ARHGAP29: variants seen among roughly 807,000 people sequenced by gnomAD.
ARHGAP29 encodes the protein rho GTPase-activating protein 29.
ARHGAP29 carries 43 observed loss-of-function variants against 122.6 expected under a neutral mutation model. That is an observed-to-expected ratio of 0.35 (90% CI 0.27 to 0.45). ARHGAP29 has a LOEUF of 0.45. Ranked by LOEUF, ARHGAP29 falls within the 20% of genes least tolerant of loss-of-function variation. The probability of loss-of-function intolerance (pLI) is 1.00; values close to 1 mark genes in which losing one functional copy is unlikely to be tolerated. For missense variants in ARHGAP29, 1,303 were observed against 1,477.2 expected (o/e 0.88, Z 1.93); for synonymous variants, 506 against 497.1 (o/e 1.02, Z -0.24).
the ARHGAP29 span, among the ~76,000 whole-genome samples, chr1:94,306,677 A>G: frequency 6.2e-4 from 95 of 152,284 alleles, no homozygotes; most frequent in Admixed American, 7.2e-4. Flanking sequence ...ATTTTCCCAC[A>G]CTCTAACAAA....
chr1:94,286,817 G>GAATGTGACTGGGAAAGTT, the ARHGAP29 span, among the ~76,000 whole-genome samples: 1 of 152,180 alleles, frequency 6.6e-6, no homozygotes, highest in Admixed American at 6.5e-5. Context: ...AGAAAGTTGG[G>GAATGTGACTGGGAAAGTT]TACCAGTGAC....
chr1:94,247,734 C>A (rs1653874615), intron 1 of ARHGAP29: 1 of 732,688 alleles, frequency 1.4e-6, no homozygotes, highest in African/African-American at 2.0e-5. Flanking sequence ...CAGCGGCCGC[C>A]GCCTTTGCAG....
At chr1:94,216,527 CAAAGAA>C (rs1473738809) in intron 3 of ARHGAP29, among the ~76,000 whole-genome samples, 1 of 152,154 alleles carries the variant, frequency 6.6e-6, no homozygotes. Flanking sequence ...TCAAAAGCAA[CAAAGAA>C]ACTTCATCAT....
chr1:94,177,646 T>G lies in ARHGAP29; in HGVS notation c.2871A>C (p.Gln957His). The G allele has an allele frequency of 6.2e-7, 1 of 1,613,532 alleles. No individual in the cohort carries two copies. The highest frequency in any genetic ancestry group is 8.5e-7 in the Non-Finnish European group (1 of 1,179,796). ...ATGCATCACATTTTCCTAACGCATTTTGCTTGCGTTCTGATTCCTCAAATG... is the reference window on the plus strand; with the variant it reads ...ATGCATCACATTTTCCTAACGCATTGTGCTTGCGTTCTGATTCCTCAAATG... ...ATSFEESERKQNALGKCDACL... is the reference protein window; with the variant it reads ...ATSFEESERKHNALGKCDACL... The change falls in exon 22 of 23, where the codon CAA (glutamine) becomes CAC (histidine). Residue 957 changes from glutamine to histidine, a missense_variant. Transcript: ENST00000260526.
intron 12 of ARHGAP29, chr1:94,194,332 T>C (rs1401747610): frequency 1.3e-5 from 2 of 152,202 alleles, no homozygotes. Flanking sequence ...AGATAATTTT[T>C]TTTTTACCAG....
rs149747337 is a variant in ARHGAP29 at position 94,200,587 on chromosome 1, A to G, written c.1281+1133T>C. Among the ~76,000 whole-genome samples, 80 of 152,380 alleles carry G rather than the reference A, an allele frequency of 5.3e-4. 2 individuals are homozygous for G. In the East Asian group the frequency reaches 0.014, roughly 28 times the overall value. The stretch of plus-strand genomic sequence containing the variant: ...GAAAACTTATGTTCAACAAGAATGT[A>G]TAAGAAAATATTCTGCGGCTCTATT... On this transcript the variant is annotated intron_variant, in intron 12 of 22. Transcript: ENST00000260526.
intron 1 of ARHGAP29, among the ~76,000 whole-genome samples, chr1:94,264,314 A>C: frequency 6.6e-6 from 1 of 151,962 alleles, no homozygotes; most frequent in East Asian, 1.9e-4. Flanking sequence ...TTCTCATCTC[A>C]TCTCCATTGT....
upstream of ARHGAP29, among the ~76,000 whole-genome samples, chr1:94,241,536 G>A (rs1326622548): frequency 6.6e-6 from 1 of 151,110 alleles, no homozygotes; most frequent in Non-Finnish European, 1.5e-5. Flanking sequence ...AGAATCGCTT[G>A]AACCTGGGAG....
At chr1:94,198,829 A>G (rs1650639392) in intron 12 of ARHGAP29, among the ~76,000 whole-genome samples, 1 of 152,246 alleles carries the variant, frequency 6.6e-6, no homozygotes, top group African/African-American at 2.4e-5. Flanking sequence ...TTTTGGAGAT[A>G]TGGACAAGCT....
chr1:94,253,636 ACACGCACGCACG>A lies in ARHGAP29; in HGVS notation c.-33+21364_-33+21375del, dbSNP rs66700832. On this transcript the variant is annotated intron_variant and NMD_transcript_variant, in intron 1 of 25. Transcript: ENST00000552844. Reference sequence around the variant, plus strand: ...AGTTGTCCGCAGGCATCTGGAACACACACGCACGCACGCACGCACGCACGCACGCACGCACAT... The same window carrying A: ...AGTTGTCCGCAGGCATCTGGAACACACACGCACGCACGCACGCACGCACAT... Among the ~76,000 whole-genome samples, 274 of 149,348 alleles carry A rather than the reference ACACGCACGCACG, an allele frequency of 1.8e-3. 1 individual carries two copies. Among genetic ancestry groups the A allele is most frequent in the African/African-American group, 6.1e-3 (247 of 40,516 alleles).
intron 3 of ARHGAP29, among the ~76,000 whole-genome samples, chr1:94,217,881 C>T (rs576773002): frequency 8.6e-4 from 131 of 151,968 alleles, no homozygotes; most frequent in African/African-American, 2.4e-3. Context: ...AAACTGAAAC[C>T]TCAAATAATA....
chr1:94,293,114 G>A, the ARHGAP29 span, among the ~76,000 whole-genome samples: 1,008 of 152,312 alleles, frequency 6.6e-3, 8 homozygotes, highest in African/African-American at 0.023. Flanking sequence ...GGTGGGCTCC[G>A]CCCAGTTTGA....
rs936996213 is a variant in ARHGAP29 at position 94,172,445 on chromosome 1, T to A, written c.*1424A>T. On this transcript the variant is annotated 3_prime_UTR_variant, in exon 23 of 23. Transcript: ENST00000260526. ...TTGCTCCCTAGACCTTTACATCACA[T>A]AGAACTATAAAACAGGTTTCCATAA... 6.6e-6 allele frequency: 1 copy of A among 152,032 alleles called. No homozygotes were observed. Among genetic ancestry groups the A allele is most frequent in the Non-Finnish European group, 1.5e-5 (1 of 67,990 alleles). The allele number at this position is 152,032 out of a possible 1,614,324, so 9.4% of individuals were successfully genotyped here.
At chr1:94,261,603 G>A (rs761906869) in intron 1 of ARHGAP29, among the ~76,000 whole-genome samples, 8 of 151,900 alleles carry the variant, frequency 5.3e-5, no homozygotes, top group Admixed American at 2.6e-4. Flanking sequence ...ATTTCTATTC[G>A]CCAACAACAG....
rs762651292 is a variant in ARHGAP29 at position 94,205,612 on chromosome 1, GT to G, written c.559+22del. The stretch of plus-strand genomic sequence containing the variant: ...AGTAACTACAAGAAGTTTGTGAAAA[GT>G]TATAAACACCTTGAGCATTACCTTT... On this transcript the variant is annotated intron_variant, in intron 6 of 22. Transcript: ENST00000260526. The G allele has an allele frequency of 8.7e-6, 14 of 1,604,598 alleles. 1 individual carries two copies. In the South Asian group the frequency reaches 1.3e-4, roughly 15 times the overall value.
chr1:94,228,435 T>C (rs1037502155), intron 2 of ARHGAP29, among the ~76,000 whole-genome samples: 3 of 151,726 alleles, frequency 2.0e-5, no homozygotes, highest in Non-Finnish European at 4.4e-5. Flanking sequence ...TAACAAAAAA[T>C]TAAATGAATT....
intron 7 of ARHGAP29, 23 bp from the exon 8 acceptor site, chr1:94,204,017 C>A (rs1418902463): frequency 6.2e-7 from 1 of 1,601,482 alleles, no homozygotes; most frequent in Non-Finnish European, 8.5e-7. Flanking sequence ...AAGAGGGTAT[C>A]AGAAGGTAAA....
chr1:94,311,575 C>T, the ARHGAP29 span, among the ~76,000 whole-genome samples: 1 of 152,152 alleles, frequency 6.6e-6, no homozygotes. Flanking sequence ...GGTGCTTAAT[C>T]TTAAAGACCC....
chr1:94,231,667 A>T, intron 1 of ARHGAP29, 24 bp from the exon 2 acceptor site: 1 of 1,540,874 alleles, frequency 6.5e-7, no homozygotes, highest in Non-Finnish European at 8.8e-7. Flanking sequence ...GAAACAAAAC[A>T]AAAACAAGCG....
Sources: gnomAD v4.1 joint callset for allele counts (sites outside exome capture counted in the v4.1 genomes callset) on GRCh38, gnomAD v4.1.1 for gene constraint, MANE v1.5 for transcripts, NCBI Gene and HGNC (gene_info 2026-07-23, HGNC 2026-07-21) for gene names.